The following ST3GAL3 variants were observed in gnomAD, a reference collection of about 807,000 sequenced individuals.
The protein encoded by ST3GAL3 is CMP-N-acetylneuraminate-beta-1,4-galactoside alpha-2,3-sialyltransferase.
A neutral mutation model predicts 50.1 loss-of-function variants in ST3GAL3; 21 were observed. The observed-to-expected ratio is 0.42, with a 90% CI of 0.30 to 0.60. ST3GAL3 has a LOEUF of 0.60. ST3GAL3 is among the 20% of genes least tolerant of loss of function. The pLI is 0.19. For missense variants in ST3GAL3, 353 were observed against 489.4 expected, an observed-to-expected ratio of 0.72 and a Z score of 2.63; for synonymous variants, 183 against 190.0, an observed-to-expected ratio of 0.96 and a Z score of 0.30.
At chr1:43,850,559 TAG>T (rs1473688952) in intron 5 of ST3GAL3, 61 of 715,254 alleles carry the variant, frequency 8.5e-5, no homozygotes, top group South Asian at 7.7e-4. Flanking sequence ...CACTGGGCCG[TAG>T]AGTGTTTCTA....
chr1:43,743,843 TCCC>T (rs10599480), intron 2 of ST3GAL3: 1,401 of 136,862 alleles, frequency 0.01, 36 homozygotes, highest in African/African-American at 0.032. Flanking sequence ...ATTCTTTCAT[TCCC>T]CCCCCCCCCA....
At chr1:43,762,489 A>T (rs568729272) in intron 2 of ST3GAL3, among the ~76,000 whole-genome samples, 1 of 152,066 alleles carries the variant, frequency 6.6e-6, no homozygotes, top group African/African-American at 2.4e-5. Context: ...AGTTCACTCC[A>T]GTTGCCTGGC....
At chr1:43,712,374 A>AT (rs1665210673) in intron 1 of ST3GAL3, among the ~76,000 whole-genome samples, 1 of 152,010 alleles carries the variant, frequency 6.6e-6, no homozygotes, top group African/African-American at 2.4e-5. Context: ...CATTTTTCAT[A>AT]TTTTATGTGA....
At chr1:43,888,579 G>GA (rs370880903) in intron 5 of ST3GAL3, among the ~76,000 whole-genome samples, 1 of 151,384 alleles carries the variant, frequency 6.6e-6, no homozygotes, top group African/African-American at 2.4e-5. Context: ...AAAAAGAGAA[G>GA]AAAAAAACAA....
At position 43,708,318 on chromosome 1, in the gene ST3GAL3, C is replaced by T. The variant is rs143806862; in HGVS notation, c.-31+625C>T. Among the ~76,000 whole-genome samples the T allele has an allele frequency of 2.1e-3, 322 of 152,280 alleles. 1 individual carries two copies. The highest frequency in any genetic ancestry group is 7.5e-3 in the African/African-American group (310 of 41,560). On this transcript the variant is annotated intron_variant, in intron 1 of 11. Coordinates refer to ENST00000347631, the MANE Select transcript of ST3GAL3 (RefSeq NM_006279.5). Reference sequence around the variant, plus strand: ...AACAATGTCCATTTTTATGATTCCTCAGTAAGCCTCATTTATGTTTCCTTC... The same window carrying T: ...AACAATGTCCATTTTTATGATTCCTTAGTAAGCCTCATTTATGTTTCCTTC...
At chr1:43,862,619 T>C (rs747959218) in intron 5 of ST3GAL3, among the ~76,000 whole-genome samples, 12 of 151,456 alleles carry the variant, frequency 7.9e-5, no homozygotes, top group African/African-American at 2.9e-4. Context: ...GCATCAACAG[T>C]GGGCAGAGCC....
chr1:43,819,299 G>A (rs923886224), intron 4 of ST3GAL3: 1 of 152,150 alleles, frequency 6.6e-6, no homozygotes, highest in Non-Finnish European at 1.5e-5. Context: ...TTCCATGTTG[G>A]TCAGGCTTGT....
intron 4 of ST3GAL3, chr1:43,824,696 A>T: frequency 6.2e-7 from 1 of 1,613,542 alleles, no homozygotes; most frequent in African/African-American, 1.3e-5. Context: ...GAGCTATGTG[A>T]TCAAGACTGA....
intron 4 of ST3GAL3, among the ~76,000 whole-genome samples, chr1:43,835,978 GGTGGC>G (rs1442768907): frequency 6.6e-6 from 1 of 152,178 alleles, no homozygotes; most frequent in Non-Finnish European, 1.5e-5. Context: ...TGACCGTGTT[GGTGGC>G]AGTGCCCTGT....
intron 1 of ST3GAL3, among the ~76,000 whole-genome samples, chr1:43,722,104 T>C (rs1046952857): frequency 3.9e-5 from 6 of 152,126 alleles, no homozygotes; most frequent in African/African-American, 1.4e-4. Flanking sequence ...GATATATGGG[T>C]GTGGTAGGAC....
chr1:43,718,483 C>A (rs374874034), intron 1 of ST3GAL3, among the ~76,000 whole-genome samples: 6 of 151,806 alleles, frequency 4.0e-5, no homozygotes, highest in East Asian at 2.0e-4. Context: ...GCCACTGCGC[C>A]TGTCTATCAT....
chr1:43,865,309 T>A (rs2071069351), intron 5 of ST3GAL3, among the ~76,000 whole-genome samples: 1 of 152,112 alleles, frequency 6.6e-6, no homozygotes, highest in Non-Finnish European at 1.5e-5. Flanking sequence ...TGAGCCACCA[T>A]GCCCGGTCAT....
At chr1:43,824,511 G>A (rs1011103843) in intron 4 of ST3GAL3, among the ~76,000 whole-genome samples, 1 of 152,184 alleles carries the variant, frequency 6.6e-6, no homozygotes, top group Non-Finnish European at 1.5e-5. Context: ...ATCCAGAGGA[G>A]TAGTCTGGTT....
At chr1:43,926,059 G>A (rs2083863224) in intron 11 of ST3GAL3, among the ~76,000 whole-genome samples, 1 of 152,202 alleles carries the variant, frequency 6.6e-6, no homozygotes, top group East Asian at 1.9e-4. Flanking sequence ...ATGCTTGGAA[G>A]AGAAGGGAGT....
intron 2 of ST3GAL3, among the ~76,000 whole-genome samples, chr1:43,747,113 A>G (rs1311559587): frequency 2.6e-5 from 4 of 152,142 alleles, no homozygotes. Context: ...ATAAAAACGT[A>G]AAACAAAAAA....
intron 1 of ST3GAL3, among the ~76,000 whole-genome samples, chr1:43,720,840 A>C (rs1443649361): frequency 6.6e-6 from 1 of 152,210 alleles, no homozygotes; most frequent in Non-Finnish European, 1.5e-5. Flanking sequence ...TGTTCATAGC[A>C]GCGTTATTCA....
intron 4 of ST3GAL3, among the ~76,000 whole-genome samples, chr1:43,823,431 C>T (rs1365850595): frequency 1.3e-5 from 2 of 152,174 alleles, no homozygotes; most frequent in African/African-American, 4.8e-5. Context: ...TGCTCATTCC[C>T]TTGTCTGGAA....
At chr1:43,813,752 T>TG (rs2060845513) in intron 3 of ST3GAL3, among the ~76,000 whole-genome samples, 2 of 152,212 alleles carry the variant, frequency 1.3e-5, no homozygotes, top group Admixed American at 6.5e-5. Context: ...AAAGCTTTGC[T>TG]GCCTGGCCTT....
intron 11 of ST3GAL3, among the ~76,000 whole-genome samples, chr1:43,927,985 A>C (rs2084312481): frequency 6.6e-6 from 1 of 152,204 alleles, no homozygotes; most frequent in Non-Finnish European, 1.5e-5. Context: ...AAGAGGTTGA[A>C]GGGAATGCTC....
Sources: gnomAD v4.1 joint callset for allele counts (sites outside exome capture counted in the v4.1 genomes callset) on GRCh38, gnomAD v4.1.1 for gene constraint, MANE v1.5 for transcripts, NCBI Gene and HGNC (gene_info 2026-07-23, HGNC 2026-07-21) for gene names.